HS6ST2: variants seen among roughly 807,000 people sequenced by gnomAD.
HS6ST2 encodes heparan sulfate 6-O-sulfotransferase 2.
In HS6ST2, 17 loss-of-function variants were observed where a neutral mutation model predicts 33.0. The observed-to-expected ratio is 0.52, with a 90% CI of 0.35 to 0.77. The LOEUF is 0.77. HS6ST2 is among the 30% of genes least tolerant of loss of function. HS6ST2 has a pLI of 0.01. For missense variants in HS6ST2, 519 were observed against 551.7 expected (o/e 0.94, Z 0.59); for synonymous variants, 248 against 237.1 (o/e 1.05, Z -0.42).
chrX:132,806,056 T>C (rs775268936), intron 2 of HS6ST2, among the ~76,000 whole-genome samples: 1 of 110,322 alleles, frequency 9.1e-6, no homozygotes, highest in African/African-American at 3.3e-5. Flanking sequence ...ATGGTGGTAT[T>C]TGCTCAGATG....
chrX:132,831,235 G>T (rs1311358458), intron 2 of HS6ST2, among the ~76,000 whole-genome samples: 2 of 111,250 alleles, frequency 1.8e-5, no homozygotes, highest in Non-Finnish European at 3.8e-5. Context: ...CTGACAAAGA[G>T]AGGACAGAAA....
intron 2 of HS6ST2, among the ~76,000 whole-genome samples, chrX:132,950,867 T>A (rs1444894269): frequency 2.7e-5 from 3 of 111,930 alleles, no homozygotes; most frequent in African/African-American, 9.7e-5. Flanking sequence ...TTTCCTTTAT[T>A]CAAACATCCT....
At chrX:132,822,889 G>C (rs1004889339) in intron 2 of HS6ST2, among the ~76,000 whole-genome samples, 1 of 112,052 alleles carries the variant, frequency 8.9e-6, no homozygotes, top group Non-Finnish European at 1.9e-5. Context: ...GAAGGAACAG[G>C]GGCTGACAGA....
At chrX:132,785,117 C>G (rs1327748894) in intron 2 of HS6ST2, among the ~76,000 whole-genome samples, 2 of 112,211 alleles carry the variant, frequency 1.8e-5, no homozygotes, top group Non-Finnish European at 3.8e-5. Context: ...GGCTCCTTAG[C>G]CTTTCAATAT....
At chrX:132,746,262 G>A (rs1242043762) in intron 2 of HS6ST2, among the ~76,000 whole-genome samples, 1 of 111,433 alleles carries the variant, frequency 9.0e-6, no homozygotes, top group Non-Finnish European at 1.9e-5. Context: ...CAGCACTTTG[G>A]GAGGCTGAGG....
rs1556404682 is a variant in HS6ST2, at chrX:132,626,804, A to G, written c.*1419T>C. 2 of 112,256 alleles carry G rather than the reference A, an allele frequency of 1.8e-5. No homozygotes were observed. Among genetic ancestry groups the G allele is most frequent in the South Asian group, 3.7e-4 (1 of 2,697 alleles). 9.3% of individuals were successfully genotyped at this position (112,256 alleles called of 1,213,427 possible). On this transcript the variant is annotated 3_prime_UTR_variant, in exon 5 of 5. Transcript: ENST00000370833. Reference sequence around the variant, plus strand: ...GATGCTTGACAGCACAGTGGGTTACATACTTCTTTTTATCTTGGTCAGCTT... The same window carrying G: ...GATGCTTGACAGCACAGTGGGTTACGTACTTCTTTTTATCTTGGTCAGCTT...
chrX:132,826,179 T>TC (rs1465760335), intron 2 of HS6ST2, among the ~76,000 whole-genome samples: 1 of 112,636 alleles, frequency 8.9e-6, no homozygotes, highest in Non-Finnish European at 1.9e-5. Context: ...CCCTTTTGTC[T>TC]CCCCACTCTA....
At chrX:132,654,583 T>C (rs2063717582) in intron 4 of HS6ST2, among the ~76,000 whole-genome samples, 1 of 112,541 alleles carries the variant, frequency 8.9e-6, no homozygotes, top group Non-Finnish European at 1.9e-5. Context: ...AGAATACTTC[T>C]TTATGTATCC....
At chrX:132,866,525 G>A (rs1336009400) in intron 2 of HS6ST2, among the ~76,000 whole-genome samples, 1 of 83,506 alleles carries the variant, frequency 1.2e-5, no homozygotes, top group Non-Finnish European at 2.3e-5. Flanking sequence ...GAAAGTCATT[G>A]GTAGCTTGAT....
At chrX:132,830,588 C>T (rs758894998) in intron 2 of HS6ST2, among the ~76,000 whole-genome samples, 21 of 112,327 alleles carry the variant, frequency 1.9e-4, no homozygotes, top group African/African-American at 6.5e-4. Flanking sequence ...ATTTTAAACA[C>T]AAAATTTTAC....
At chrX:132,756,242 T>C (rs2064755185) in intron 2 of HS6ST2, among the ~76,000 whole-genome samples, 1 of 112,024 alleles carries the variant, frequency 8.9e-6, no homozygotes, top group African/African-American at 3.2e-5. Flanking sequence ...TGGGGAGGTG[T>C]ACTTGTGGTT....
At chrX:132,734,168 C>T (rs945183031) in intron 2 of HS6ST2, among the ~76,000 whole-genome samples, 4 of 104,596 alleles carry the variant, frequency 3.8e-5, no homozygotes, top group Admixed American at 2.2e-4. Flanking sequence ...AATATGCAGA[C>T]GGCAGAGAAA....
chrX:132,798,108 A>G (rs1362723571), intron 2 of HS6ST2, among the ~76,000 whole-genome samples: 1 of 108,166 alleles, frequency 9.2e-6, no homozygotes, highest in Non-Finnish European at 1.9e-5. Flanking sequence ...TTTCCCTTCA[A>G]TACACCCCAT....
At position 132,912,116 on chromosome X, in the gene HS6ST2, A is replaced by C. The variant is rs1290599858; in HGVS notation, c.947+44692T>G. On this transcript the variant is annotated intron_variant, in intron 2 of 4. Transcript: ENST00000370833. ...GAGTCTCCTGACCCATATCTGTATG[A>C]TCTCCATTGCAAAGTAACAATAAAG... Among the ~76,000 whole-genome samples the C allele has an allele frequency of 1.5e-4, 17 of 112,596 alleles. No homozygotes were observed. The Admixed American group carries it at 1.6e-3, about 11-fold the overall frequency.
chrX:132,957,855 C>T (rs1198593545), intron 1 of HS6ST2, among the ~76,000 whole-genome samples: 1 of 112,476 alleles, frequency 8.9e-6, no homozygotes, highest in Non-Finnish European at 1.9e-5. Flanking sequence ...TTTGCCGGCG[C>T]CCGCGCCCGC....
intron 4 of HS6ST2, among the ~76,000 whole-genome samples, chrX:132,633,269 A>C (rs1400959734): frequency 9.1e-6 from 1 of 110,327 alleles, no homozygotes; most frequent in African/African-American, 3.3e-5. Flanking sequence ...CCTGGTTGTG[A>C]AAGGCCACAG....
chrX:132,893,517 T>C (rs2066336884), intron 2 of HS6ST2, among the ~76,000 whole-genome samples: 2 of 112,006 alleles, frequency 1.8e-5, no homozygotes, highest in South Asian at 7.5e-4. Flanking sequence ...TAAGGCTCTA[T>C]TGACTGTCTC....
intron 2 of HS6ST2, among the ~76,000 whole-genome samples, chrX:132,775,073 C>G (rs1302331452): frequency 3.6e-5 from 4 of 110,438 alleles, no homozygotes; most frequent in African/African-American, 1.3e-4. Context: ...TTCCAAAACA[C>G]TCTCATCACA....
intron 2 of HS6ST2, among the ~76,000 whole-genome samples, chrX:132,783,444 C>T (rs760663791): frequency 8.1e-5 from 9 of 111,447 alleles, no homozygotes; most frequent in Non-Finnish European, 1.7e-4. Flanking sequence ...TGCCCAGGCA[C>T]GTGCAGTCTC....
Sources: allele counts gnomAD v4.1 joint callset (sites outside exome capture counted in the v4.1 genomes callset), GRCh38; gene constraint gnomAD v4.1.1; transcripts MANE v1.5; gene names NCBI Gene and HGNC (gene_info 2026-07-23, HGNC 2026-07-21).